Variants in UNKL observed in about 807,000 individuals in gnomAD.
The protein encoded by UNKL is putative E3 ubiquitin-protein ligase UNKL.
Under a neutral mutation model 78.0 loss-of-function variants are expected in UNKL, and 60 were observed. The ratio of observed to expected loss-of-function variants is 0.77; its 90% CI spans 0.63 to 0.95. The LOEUF (loss-of-function observed/expected upper bound fraction) is 0.95, where lower values mean the gene tolerates loss of function less well. UNKL is among the 40% of genes least tolerant of loss of function. UNKL has a pLI of 0.00. For missense variants in UNKL, 1,159 were observed against 1,045.7 expected (o/e 1.11, Z -1.49); for synonymous variants, 608 against 474.8 (o/e 1.28, Z -3.65).
chr16:1,379,300 CCTCTCCTGCCCCGCTCCGCTCCG>C (rs987823747), intron 10 of UNKL: 40 of 219,098 alleles, frequency 1.8e-4, no homozygotes, highest in South Asian at 1.6e-3. Context: ...GTTCCCCTGC[CCTCTCCTGCCCCGCTCCGCTCCG>C]CTCTCCTGCC....
chr16:1,394,538 C>T, intron 6 of UNKL: 1 of 530,294 alleles, frequency 1.9e-6, no homozygotes, highest in Non-Finnish European at 3.6e-6. Context: ...CAGCAGGTGC[C>T]TAATAAGTGC....
rs1249069391 is a variant in UNKL at position 1,366,171 on chromosome 16, G to T, written c.*69C>A. 1.3e-5 allele frequency: 19 copies of T among 1,414,034 alleles called. No individual in the cohort carries two copies. The highest frequency in any genetic ancestry group is 1.2e-4 in the South Asian group (8 of 65,870). 87.6% of individuals were successfully genotyped at this position (1,414,034 alleles called of 1,614,324 possible). The stretch of plus-strand genomic sequence containing the variant: ...GTCGGTGGCACCAGAAGCGAGTGAC[G>T]ACATGTCCGTGGTCAGGAGGAGCGC... On this transcript the variant is annotated 3_prime_UTR_variant, in exon 15 of 15. Coordinates refer to ENST00000389221, the MANE Select transcript of UNKL (RefSeq NM_001372107.1).
chr16:1,398,246 C>G (rs1295885116), intron 5 of UNKL: 1 of 969,392 alleles, frequency 1.0e-6, no homozygotes, highest in East Asian at 1.1e-4. Context: ...CACCGCACTC[C>G]AGCCTGGGCC....
rs1006839627 is a variant in UNKL, at chr16:1,413,980, G to A, written c.153C>T (p.Thr51=). The A allele has an allele frequency of 5.8e-6, 9 of 1,552,410 alleles. No homozygotes were observed. In the African/African-American group the frequency reaches 1.2e-4, roughly 21 times the overall value. ...QHKCAQHRPF[T]CFHWHFLNQR... is the part of the protein sequence containing the mutation. ...GGTTGAGGAAGTGCCAGTGGAAGCAGGTGAACGGCCGGTGCTGCGCGCACT... is the reference window on the plus strand; with the variant it reads ...GGTTGAGGAAGTGCCAGTGGAAGCAAGTGAACGGCCGGTGCTGCGCGCACT... The change falls in exon 2 of 15, where the codon ACC becomes ACT. Residue 51 remains threonine (T), a synonymous_variant. Coordinates refer to ENST00000389221, the MANE Select transcript of UNKL (RefSeq NM_001372107.1).
At chr16:1,385,522 A>G (rs1234897279) in intron 9 of UNKL, 137 bp from the exon 10 acceptor site, 1 of 863,814 alleles carries the variant, frequency 1.2e-6, no homozygotes, top group Non-Finnish European at 1.6e-6. Context: ...AGCTTCCCAG[A>G]CCCGGAGGGA....
intron 2 of UNKL, among the ~76,000 whole-genome samples, chr16:1,406,768 C>G (rs2037782041): frequency 6.6e-6 from 1 of 152,172 alleles, no homozygotes; most frequent in Admixed American, 6.5e-5. Flanking sequence ...GTGAGTGGAA[C>G]TTTCACCTAC....
rs1171512483 is a variant in UNKL, at chr16:1,372,961, A to T, written c.1265-1350T>A. 4.6e-4 allele frequency among the ~76,000 whole-genome samples: 11 copies of T among 24,048 alleles called. 2 individuals carry two copies. Among genetic ancestry groups the T allele is most frequent in the East Asian group, 4.8e-3 (2 of 420 alleles). 15.8% of individuals were successfully genotyped at this position (24,048 alleles called of 152,430 possible). On this transcript the variant is annotated intron_variant, in intron 10 of 14. Transcript: ENST00000389221. ...GCACACCACACAGGGACTGCCGGCC[A>T]ACACCGCACAGAGACCTCAGCAGCG...
In UNKL at chr16:1,365,631, T is replaced by C. The variant is rs1207495512; in HGVS notation, c.*609A>G. 6.6e-6 allele frequency: 1 copy of C among 152,592 alleles called. No individual in the cohort carries two copies. The highest frequency in any genetic ancestry group is 1.5e-5 in the Non-Finnish European group (1 of 68,034). The allele number at this position is 152,592 out of a possible 1,614,324, so 9.5% of individuals were successfully genotyped here. A position where few individuals can be genotyped will look rare whatever the true frequency, so the allele number is the denominator to read the frequency against. On this transcript the variant is annotated 3_prime_UTR_variant, in exon 15 of 15. Transcript: ENST00000389221. ...ATACTATTTGCACTTAATTGGAAAA[T>C]GTAAAAATCCTAGGTCTTACTACTA...
chr16:1,393,167 G>C (rs1010512918), intron 7 of UNKL, among the ~76,000 whole-genome samples, 191 bp from the exon 8 acceptor site: 1 of 152,212 alleles, frequency 6.6e-6, no homozygotes, highest in African/African-American at 2.4e-5. Context: ...TCTTAGACCA[G>C]TTTTTCATGT....
chr16:1,381,594 T>TGCAC (rs2036609286), intron 10 of UNKL, among the ~76,000 whole-genome samples: 1 of 152,148 alleles, frequency 6.6e-6, no homozygotes, highest in Non-Finnish European at 1.5e-5. Context: ...CACTCCAGCC[T>TGCAC]GCACAACAGA....
Position 1,367,280 on chromosome 16 carries a change from G to T in UNKL, c.1858C>A (p.Gln620Lys). 1.3e-6 allele frequency: 2 copies of T among 1,569,498 alleles called. No individual in the cohort carries two copies. The highest frequency in any genetic ancestry group is 2.3e-5 in the South Asian group (2 of 85,752). ...ERARVADSDR[Q>K]LALQKKEEVE... ...TCCTCCTTCTTCTGCAGCGCCAGCT[G>T]CCGGTCGCTATCGGCCACACGGGCA... is the stretch of plus-strand genomic sequence containing the variant. The change falls in exon 14 of 15, where the codon CAG becomes AAG. Residue 620 changes from glutamine (Q) to lysine (K), a missense_variant. Gln to Lys is a moderately conservative substitution (Grantham distance 53). Transcript: ENST00000389221.
At chr16:1,411,573 T>C (rs2038039644) in intron 2 of UNKL, among the ~76,000 whole-genome samples, 1 of 151,796 alleles carries the variant, frequency 6.6e-6, no homozygotes, top group African/African-American at 2.4e-5. Context: ...ATGCCTGTAA[T>C]CCCAGCACTT....
At chr16:1,408,925 CTTTTT>C in intron 2 of UNKL, 1 of 142,354 alleles carries the variant, frequency 7.0e-6, no homozygotes, top group Non-Finnish European at 1.5e-5. Flanking sequence ...ATAGAAATTT[CTTTTT>C]TTTTTTTTTT....
At chr16:1,366,533 G>A (rs899208749) in intron 14 of UNKL, 138 bp from the exon 15 acceptor site, 5 of 1,152,368 alleles carry the variant, frequency 4.3e-6, no homozygotes, top group Admixed American at 3.0e-5. Flanking sequence ...TCAGGGAGAC[G>A]CCCCAGCCAG....
rs981772828 is a variant in UNKL at position 1,385,144 on chromosome 16, C to T, written c.1264+64G>A. The T allele has an allele frequency of 1.2e-5, 14 of 1,181,466 alleles. 2 individuals are homozygous for T. Among genetic ancestry groups the T allele is most frequent in the Middle Eastern group, 6.5e-4 (2 of 3,084 alleles). 73.2% of individuals were successfully genotyped at this position (1,181,466 alleles called of 1,614,324 possible). On this transcript the variant is annotated intron_variant, in intron 10 of 14. Coordinates refer to ENST00000389221, the MANE Select transcript of UNKL (RefSeq NM_001372107.1). ...ATGTCCTGAAATAGAAGCGCTGTCC[C>T]TGAAAAGCTACAGCATGAACACAGA...
At position 1,370,192 on chromosome 16, in the gene UNKL, G is replaced by T. The variant is rs959133927; in HGVS notation, c.1523C>A (p.Pro508Gln). 9.2e-6 allele frequency: 14 copies of T among 1,520,414 alleles called. No individual in the cohort carries two copies. Among genetic ancestry groups the T allele is most frequent in the African/African-American group, 5.5e-5 (4 of 72,442 alleles). 94.2% of individuals were successfully genotyped at this position (1,520,414 alleles called of 1,614,324 possible). The change falls in exon 12 of 15, where the codon CCG (proline) becomes CAG (glutamine). Residue 508 changes from proline (P) to glutamine (Q), a missense_variant. Pro to Gln is a moderately conservative substitution (Grantham distance 76, BLOSUM62 -1). Transcript: ENST00000389221. ...GCCCGGCTCTGAACGCAGGGGTGGC[G>T]GCTGCTGGGGAGGCGTCATGGCTGA... ...GSSAMTPPQQ[P>Q]PPLRSEPGTL...
chr16:1,367,207 C>T lies in UNKL; in HGVS notation c.1931G>A (p.Gly644Asp). The T allele has an allele frequency of 3.7e-6, 6 of 1,605,060 alleles. No homozygotes were observed. Among genetic ancestry groups the T allele is most frequent in the Non-Finnish European group, 5.1e-6 (6 of 1,178,114 alleles). ...KQLQEELEGL[G>D]VASTLPGLRG... is the part of the protein sequence containing the mutation. ...CAGCCCCGGCAGTGTGGAGGCTACG[C>T]CCAGGCCCTCCAGCTCCTCCTGCAG... is the stretch of plus-strand genomic sequence containing the variant. The change falls in exon 14 of 15, where the codon GGC (glycine) becomes GAC (aspartate). Residue 644 changes from glycine to aspartate, a missense_variant. Physicochemically the swap from Gly to Asp is moderately conservative, Grantham distance 94. Transcript: ENST00000389221.
chr16:1,404,967 G>A (rs2037682923), intron 2 of UNKL, among the ~76,000 whole-genome samples: 1 of 152,166 alleles, frequency 6.6e-6, no homozygotes, highest in Admixed American at 6.6e-5. Context: ...GCAGAGACAG[G>A]AGGATTGCTT....
chr16:1,370,708 T>C (rs1427439014), intron 11 of UNKL, among the ~76,000 whole-genome samples: 1 of 152,236 alleles, frequency 6.6e-6, no homozygotes, highest in African/African-American at 2.4e-5. Context: ...CCAGGCCCCC[T>C]GAAATGGTTT....
Sources: allele counts gnomAD v4.1 joint callset (sites outside exome capture counted in the v4.1 genomes callset), GRCh38; gene constraint gnomAD v4.1.1; transcripts MANE v1.5; gene names NCBI Gene and HGNC (gene_info 2026-07-23, HGNC 2026-07-21).